Variants in SNAPC2 observed in about 807,000 individuals in gnomAD.
SNAPC2 encodes the protein small nuclear RNA activating complex polypeptide 2, also known as snRNA-activating protein complex subunit 2.
Under a neutral mutation model 22.9 loss-of-function variants are expected in SNAPC2, and 27 were observed. That is an observed-to-expected ratio of 1.18 (90% CI 0.87 to 1.63). SNAPC2 has a LOEUF of 1.63. SNAPC2 is among the 40% of genes most tolerant of loss of function. The pLI is 0.00. For synonymous variants in SNAPC2, 272 were observed against 201.0 expected, an observed-to-expected ratio of 1.35 and a Z score of -2.99; for missense variants, 570 against 449.1, an observed-to-expected ratio of 1.27 and a Z score of -2.43.
chr19:7,921,842 A>G (rs1599640717), intron 3 of SNAPC2, 69 bp downstream of exon 3: 2 of 1,531,586 alleles, frequency 1.3e-6, no homozygotes, highest in Non-Finnish European at 1.8e-6. Flanking sequence ...AATCATGTGA[A>G]CCTGGGTCCT....
At position 7,922,616 on chromosome 19, in the gene SNAPC2, C is replaced by T; in HGVS notation, c.857C>T (p.Ser286Phe). 2.5e-6 allele frequency: 4 copies of T among 1,613,522 alleles called. No individual in the cohort carries two copies. The highest frequency in any genetic ancestry group is 4.5e-5 in the East Asian group (2 of 44,864). ...GPAAEGDGAGSKAPEETPPAT... is the reference protein window; with the variant it reads ...GPAAEGDGAGFKAPEETPPAT... ...GCAGCAGAAGGGGATGGGGCTGGCT[C>T]CAAGGCACCAGAGGAGACCCCCCCA... Residue 286 changes from serine to phenylalanine, a missense_variant, in exon 5 of 5, where the codon TCC becomes TTC. Coordinates refer to ENST00000221573, the MANE Select transcript of SNAPC2 (RefSeq NM_003083.4).
Position 7,922,146 on chromosome 19 carries a change from G to A in SNAPC2, c.484G>A (p.Asp162Asn), listed in dbSNP as rs1026391651. 1.2e-6 allele frequency: 2 copies of A among 1,614,066 alleles called. No homozygotes were observed. Among genetic ancestry groups the A allele is most frequent in the Non-Finnish European group, 1.7e-6 (2 of 1,180,006 alleles). ...LLLSAPGGQE[D>N]PAPEIPSSAP... ...CCTGAGCGCCCCTGGAGGACAGGAA[G>A]ACCCCGCCCCTGAAATACCTAGCTC... The change falls in exon 4 of 5, where the codon GAC becomes AAC. Residue 162 changes from aspartate (D) to asparagine (N), a missense_variant. Coordinates refer to ENST00000221573, the MANE Select transcript of SNAPC2 (RefSeq NM_003083.4).
In SNAPC2 at chr19:7,922,857, G is replaced by A. The variant is rs1599641744; in HGVS notation, c.*93G>A. 5.0e-6 allele frequency: 5 copies of A among 1,006,276 alleles called. No individual in the cohort carries two copies. In the East Asian group the frequency reaches 1.2e-4, roughly 24 times the overall value. 62.3% of individuals were successfully genotyped at this position (1,006,276 alleles called of 1,614,324 possible). On this transcript the variant is annotated 3_prime_UTR_variant, in exon 5 of 5. Transcript: ENST00000221573. ...TGGCTCTTTCTGAGGATCCCGTCAT[G>A]GGGGAAGGTCCTTGAGATGATGCTC...
chr19:7,923,027 C>CA lies in SNAPC2; in HGVS notation c.*263_*264insA, dbSNP rs1365035372. 1.6e-5 allele frequency: 7 copies of CA among 446,014 alleles called. No individual in the cohort carries two copies. The highest frequency in any genetic ancestry group is 2.8e-5 in the Non-Finnish European group (7 of 251,302). The allele number at this position is 446,014 out of a possible 1,614,324, so 27.6% of individuals were successfully genotyped here. ...GACAGGCGGACAGGGCTGGCCTCCC[C>CA]CAGTCCCCAAGCCCCACTGTGCCTT... On this transcript the variant is annotated 3_prime_UTR_variant, in exon 5 of 5. Transcript: ENST00000221573.
intron 1 of SNAPC2, 80 bp downstream of exon 1, chr19:7,920,629 G>C (rs918123157): frequency 2.6e-6 from 2 of 775,696 alleles, no homozygotes; most frequent in Non-Finnish European, 1.9e-6. Context: ...GCTGCGGCAG[G>C]AGCCAGCGGG....
In SNAPC2 at chr19:7,922,781, G is replaced by GT; in HGVS notation, c.*17_*18insT. On this transcript the variant is annotated 3_prime_UTR_variant, in exon 5 of 5. Coordinates refer to ENST00000221573, the MANE Select transcript of SNAPC2 (RefSeq NM_003083.4). ...GCCAGGTGAGGGGCATGGCGGGCAG[G>GT]AGGCCACACCAGGCCCCCCGCCCTG... The GT allele has an allele frequency of 6.4e-7, 1 of 1,554,340 alleles. No homozygotes were observed. The highest frequency in any genetic ancestry group is 8.7e-7 in the Non-Finnish European group (1 of 1,145,412).
Position 7,922,989 on chromosome 19 carries a change from T to G in SNAPC2, c.*225T>G, listed in dbSNP as rs1259522755. On this transcript the variant is annotated 3_prime_UTR_variant, in exon 5 of 5. Transcript: ENST00000221573. ...GGTTGCAGGACTCCACTCACAAGCC[T>G]CCTGATGTCAAGGACAGGCGGACAG... is the stretch of plus-strand genomic sequence containing the variant. 4.0e-6 allele frequency: 2 copies of G among 499,660 alleles called. No homozygotes were observed. Among genetic ancestry groups the G allele is most frequent in the South Asian group, 3.3e-5 (1 of 30,626 alleles). The allele number at this position is 499,660 out of a possible 1,614,324, so 31.0% of individuals were successfully genotyped here.
In SNAPC2 at chr19:7,921,778, C is replaced by G; in HGVS notation, c.372+5C>G. On this transcript the variant is annotated splice_donor_5th_base_variant and intron_variant, in intron 3 of 4. Coordinates refer to ENST00000221573, the MANE Select transcript of SNAPC2 (RefSeq NM_003083.4). ...CTGGCAGTGGCTTTCTCGCAGGTAC[C>G]GCCATTCCCCCAGGCAGGTCAGGGT... 6.2e-7 allele frequency: 1 copy of G among 1,611,696 alleles called. No homozygotes were observed. Among genetic ancestry groups the G allele is most frequent in the Non-Finnish European group, 8.5e-7 (1 of 1,178,666 alleles).
Position 7,920,363 on chromosome 19 carries a change from C to T in SNAPC2, c.-4C>T, listed in dbSNP as rs937023641. On this transcript the variant is annotated 5_prime_UTR_variant, in exon 1 of 5. Coordinates refer to ENST00000221573, the MANE Select transcript of SNAPC2 (RefSeq NM_003083.4). ...CTTACAGCGCCTGCCTCTTTCTGAG[C>T]GGCATGAAGCCACCTCCCAGGCGGC... 7.7e-6 allele frequency: 12 copies of T among 1,566,718 alleles called. No individual in the cohort carries two copies. The highest frequency in any genetic ancestry group is 9.4e-6 in the Non-Finnish European group (11 of 1,164,724).
At position 7,920,399 on chromosome 19, in the gene SNAPC2, G is replaced by A. The variant is rs1437943077; in HGVS notation, c.33G>A (p.Pro11=). The A allele has an allele frequency of 1.9e-6, 3 of 1,581,180 alleles. No individual in the cohort carries two copies. The highest frequency in any genetic ancestry group is 2.6e-6 in the Non-Finnish European group (3 of 1,171,574). The stretch of plus-strand genomic sequence containing the variant: ...CACCTCCCAGGCGGCGAGCGGCCCC[G>A]GCGCGCTATCTGGGCGAGGTGACCG... MKPPPRRRAA[P]ARYLGEVTGP... The change falls in exon 1 of 5, where the codon CCG becomes CCA. Residue 11 remains proline, a synonymous_variant. Coordinates refer to ENST00000221573, the MANE Select transcript of SNAPC2 (RefSeq NM_003083.4).
intron 1 of SNAPC2, 89 bp from the exon 2 acceptor site, chr19:7,921,333 GC>G: frequency 6.3e-7 from 1 of 1,592,888 alleles, no homozygotes. Flanking sequence ...CAGTAGCGGG[GC>G]CCAGAGCATA....
rs758691448 is a variant in SNAPC2 at position 7,920,428 on chromosome 19, C to T, written c.62C>T (p.Pro21Leu). Residue 21 changes from proline (P) to leucine (L), a missense_variant, in exon 1 of 5, where the codon CCC (proline) becomes CTC (leucine). Pro to Leu is a moderately conservative substitution (Grantham distance 98, BLOSUM62 -3). Transcript: ENST00000221573. ...CGCTATCTGGGCGAGGTGACCGGTC[C>T]CGCGACCTGGAGCGCTCGCGAGAAG... ...PARYLGEVTG[P>L]ATWSAREKRQ... 12 of 1,576,580 alleles carry T rather than the reference C, an allele frequency of 7.6e-6. No individual in the cohort carries two copies. The highest frequency in any genetic ancestry group is 9.4e-6 in the Non-Finnish European group (11 of 1,169,796).
Position 7,922,587 on chromosome 19 carries a change from G to GA in SNAPC2, c.828_829insA (p.Pro277ThrfsTer86). 1 of 1,613,606 alleles carries GA rather than the reference G, an allele frequency of 6.2e-7. No homozygotes were observed. Among genetic ancestry groups the GA allele is most frequent in the Non-Finnish European group, 8.5e-7 (1 of 1,179,914 alleles). On this transcript the variant is annotated frameshift_variant, in exon 5 of 5. Transcript: ENST00000221573. LOFTEE classifies it low-confidence loss of function (END_TRUNC). ...CCATTCCCGCTGGAGGGAGCCTGGG[G>GA]CCTGCAGCAGAAGGGGATGGGGCTG...
chr19:7,922,111 A>G lies in SNAPC2; in HGVS notation c.449A>G (p.Lys150Arg), dbSNP rs1051311397. The G allele has an allele frequency of 6.2e-7, 1 of 1,613,886 alleles. No individual in the cohort carries two copies. The highest frequency in any genetic ancestry group is 1.3e-5 in the African/African-American group (1 of 74,990). ...KPPKPTQARG[K>R]PLLLSAPGGQ... ...CCCAAGCCCACGCAGGCCCGTGGAA[A>G]GCCTTTGCTCCTGAGCGCCCCTGGA... The change falls in exon 4 of 5, where the codon AAG becomes AGG. Residue 150 changes from lysine to arginine, a missense_variant. Coordinates refer to ENST00000221573, the MANE Select transcript of SNAPC2 (RefSeq NM_003083.4).
At position 7,921,538 on chromosome 19, in the gene SNAPC2, TAG is replaced by T. The variant is rs764118773; in HGVS notation, c.302_303del (p.Glu101GlyfsTer7). ...CGGGAGGCACAGCCCCCAGCCCCCATAGAGGTGAGGCAGATGAACAGGGTGAG... is the reference window on the plus strand; with the variant it reads ...CGGGAGGCACAGCCCCCAGCCCCCATAGGTGAGGCAGATGAACAGGGTGAG... On this transcript the variant is annotated frameshift_variant and splice_region_variant, in exon 2 of 5. Transcript: ENST00000221573. LOFTEE classifies it high-confidence loss of function. The T allele has an allele frequency of 6.2e-7, 1 of 1,612,226 alleles. No individual in the cohort carries two copies. The highest frequency in any genetic ancestry group is 1.1e-5 in the South Asian group (1 of 90,974).
Position 7,922,206 on chromosome 19 carries a change from C to A in SNAPC2, c.544C>A (p.Pro182Thr). ...PAAPSSAPRT[P>T]DPAPEKPSES... is the part of the protein sequence containing the mutation. ...TGCACCTAGCTCCGCACCCAGGACT[C>A]CTGACCCTGCCCCTGAGAAACCTTC... Residue 182 changes from proline to threonine, a missense_variant, in exon 4 of 5, where the codon CCT (proline) becomes ACT (threonine). Physicochemically the swap from Pro to Thr is conservative, Grantham distance 38 (BLOSUM62 -1). Transcript: ENST00000221573. 6.2e-7 allele frequency: 1 copy of A among 1,614,160 alleles called. No homozygotes were observed.
At chr19:7,921,047 T>C in intron 1 of SNAPC2, 11 of 1,163,588 alleles carry the variant, frequency 9.5e-6, no homozygotes, top group Non-Finnish European at 1.2e-5. Flanking sequence ...ACGGGCGGAA[T>C]GAACTGGGAG....
Position 7,922,802 on chromosome 19 carries a change from C to T in SNAPC2, c.*38C>T, listed in dbSNP as rs375819426. 1.8e-4 allele frequency: 262 copies of T among 1,473,480 alleles called. 1 individual carries two copies. The African/African-American group carries it at 3.4e-3, about 19-fold the overall frequency. The allele number at this position is 1,473,480 out of a possible 1,614,324, so 91.3% of individuals were successfully genotyped here. ...GCAGGAGGCCACACCAGGCCCCCCG[C>T]CCTGCCCCTCGGTTCTGCTCGGCTG... is the stretch of plus-strand genomic sequence containing the variant. On this transcript the variant is annotated 3_prime_UTR_variant, in exon 5 of 5. Transcript: ENST00000221573.
Position 7,921,120 on chromosome 19 carries a change from G to A in SNAPC2, c.184-303G>A, listed in dbSNP as rs1400778257. ...CTGTTGGACAGGATACGAGCTTGAA[G>A]TGAGAGGGAATAGAGAAGAGGGGAC... On this transcript the variant is annotated intron_variant, in intron 1 of 4. Coordinates refer to ENST00000221573, the MANE Select transcript of SNAPC2 (RefSeq NM_003083.4). 5.3e-6 allele frequency: 7 copies of A among 1,318,852 alleles called. No individual in the cohort carries two copies. The East Asian group carries it at 1.4e-4, about 25-fold the overall frequency. The allele number at this position is 1,318,852 out of a possible 1,614,324, so 81.7% of individuals were successfully genotyped here.
Sources: gnomAD v4.1 joint callset for allele counts on GRCh38, gnomAD v4.1.1 for gene constraint, MANE v1.5 for transcripts, NCBI Gene and HGNC (gene_info 2026-07-23, HGNC 2026-07-21) for gene names.